STK32B: variants seen among roughly 807,000 people sequenced by gnomAD.
STK32B encodes the protein serine/threonine kinase 32B, also known as serine/threonine-protein kinase 32B.
STK32B carries 43 observed loss-of-function variants against 52.6 expected under a neutral mutation model. That is an observed-to-expected ratio of 0.82 (90% CI 0.64 to 1.05). The LOEUF is 1.05. STK32B is among the 50% of genes least tolerant of loss of function. The pLI is 0.00. For synonymous variants in STK32B, 238 were observed against 204.3 expected, an observed-to-expected ratio of 1.17 and a Z score of -1.41; for missense variants, 621 against 534.6, an observed-to-expected ratio of 1.16 and a Z score of -1.59.
intron 3 of STK32B, among the ~76,000 whole-genome samples, chr4:5,245,088 C>T (rs4533708): frequency 0.08 from 12,244 of 152,138 alleles, 744 homozygotes; most frequent in African/African-American, 0.17. Flanking sequence ...TCTATTAGGT[C>T]CGCTTGGTGC....
At position 5,394,164 on chromosome 4, in the gene STK32B, G is replaced by C. The variant is rs1287533060; in HGVS notation, c.435-4043G>C. 6.6e-6 allele frequency among the ~76,000 whole-genome samples: 1 copy of C among 152,114 alleles called. No individual in the cohort carries two copies. The highest frequency in any genetic ancestry group is 2.4e-5 in the African/African-American group (1 of 41,432). ...TGCTGTTTTTTAAAATATCCCAGCT[G>C]ACATTTTATGCTTTGTTTTATTTGA... On this transcript the variant is annotated intron_variant, in intron 4 of 11. Transcript: ENST00000282908. This position sits in a 1 kb window ranked among gnomAD's most constrained non-coding sequence, Gnocchi z 4.2.
chr4:5,381,518 C>T (rs1007396620), intron 4 of STK32B, among the ~76,000 whole-genome samples: 2 of 152,194 alleles, frequency 1.3e-5, no homozygotes, highest in Non-Finnish European at 2.9e-5. Context: ...CATGCCCGTG[C>T]AGTAGCCAGT....
chr4:5,420,249 A>C (rs996960647), intron 6 of STK32B, among the ~76,000 whole-genome samples: 2 of 152,124 alleles, frequency 1.3e-5, no homozygotes, highest in African/African-American at 4.8e-5. Flanking sequence ...ATACCAGCAG[A>C]TATCCATATA....
At chr4:5,118,357 A>G (rs1198203604) in intron 1 of STK32B, among the ~76,000 whole-genome samples, 5 of 152,190 alleles carry the variant, frequency 3.3e-5, no homozygotes, top group Non-Finnish European at 7.3e-5. Context: ...AAGTGTTCAT[A>G]GTAGTCTCTT....
At position 5,396,488 on chromosome 4, in the gene STK32B, G is replaced by A. The variant is rs577942416; in HGVS notation, c.435-1719G>A. ...CCATTCTGAAGTTCTGGGTGGACAT[G>A]AATTTTGAAGGGACACCATTCAACC... On this transcript the variant is annotated intron_variant, in intron 4 of 11. Transcript: ENST00000282908. This position sits in a 1 kb window ranked among gnomAD's most constrained non-coding sequence, Gnocchi z 4.7. Among the ~76,000 whole-genome samples, 2 of 152,210 alleles carry A rather than the reference G, an allele frequency of 1.3e-5. No individual in the cohort carries two copies. The highest frequency in any genetic ancestry group is 2.9e-5 in the Non-Finnish European group (2 of 68,038).
At chr4:5,155,802 C>A (rs561848953) in intron 2 of STK32B, among the ~76,000 whole-genome samples, 36 of 152,114 alleles carry the variant, frequency 2.4e-4, no homozygotes, top group Admixed American at 3.9e-4. Flanking sequence ...CCTGGCCAAA[C>A]GGAACTGTGA....
chr4:5,022,105 G>A, the STK32B span, among the ~76,000 whole-genome samples: 23 of 152,264 alleles, frequency 1.5e-4, no homozygotes, highest in African/African-American at 3.4e-4. Context: ...GTGTGCATCC[G>A]GGAATTCTAT....
chr4:5,333,388 G>C (rs1732406969), intron 4 of STK32B, among the ~76,000 whole-genome samples: 5 of 152,300 alleles, frequency 3.3e-5, no homozygotes, highest in African/African-American at 1.2e-4. Context: ...CCCTTTGTCA[G>C]ATGAGTAGGT....
chr4:5,466,627 G>A (rs1717456660), intron 9 of STK32B, 76 bp from the exon 10 acceptor site: 7 of 1,512,950 alleles, frequency 4.6e-6, no homozygotes, highest in Non-Finnish European at 6.2e-6. Context: ...TGAATGAATG[G>A]TTGAATTAAT....
intron 3 of STK32B, among the ~76,000 whole-genome samples, chr4:5,283,046 A>C (rs754240870): frequency 8.5e-4 from 130 of 152,148 alleles, no homozygotes; most frequent in Non-Finnish European, 8.4e-4. Flanking sequence ...TTGAAACTTC[A>C]TACCCTTACA....
At chr4:5,496,098 C>T (rs551328560) in intron 11 of STK32B, among the ~76,000 whole-genome samples, 1 of 152,224 alleles carries the variant, frequency 6.6e-6, no homozygotes, top group African/African-American at 2.4e-5. Flanking sequence ...AACCACTGCT[C>T]TCTTCAAAGC....
In STK32B at chr4:5,453,569, G is replaced by A. The variant is rs1716215466; in HGVS notation, c.667-3238G>A. On this transcript the variant is annotated intron_variant, in intron 7 of 11. Transcript: ENST00000282908. This position sits in a 1 kb window ranked among gnomAD's most constrained non-coding sequence, Gnocchi z 4.0. Reference sequence around the variant, plus strand: ...GGGTGGGACTGTTTTGGGCAGAACTGTTTATTGAAAAGCAAAAAAGACAGG... The same window carrying A: ...GGGTGGGACTGTTTTGGGCAGAACTATTTATTGAAAAGCAAAAAAGACAGG... 6.6e-6 allele frequency among the ~76,000 whole-genome samples: 1 copy of A among 151,988 alleles called. No homozygotes were observed. Among genetic ancestry groups the A allele is most frequent in the African/African-American group, 2.4e-5 (1 of 41,386 alleles).
intron 1 of STK32B, among the ~76,000 whole-genome samples, chr4:5,099,793 A>G (rs2108791892): frequency 6.6e-6 from 1 of 152,206 alleles, no homozygotes; most frequent in African/African-American, 2.4e-5. Context: ...CAGGCACAGG[A>G]ATGAGAGTTG....
intron 1 of STK32B, among the ~76,000 whole-genome samples, chr4:5,069,017 CCTTT>C (rs1711594521): frequency 6.6e-6 from 1 of 151,998 alleles, no homozygotes; most frequent in Non-Finnish European, 1.5e-5. Context: ...CTTTTGTAGA[CCTTT>C]AGTTTGCAAC....
intron 3 of STK32B, among the ~76,000 whole-genome samples, chr4:5,290,921 A>G (rs1178584624): frequency 6.6e-6 from 1 of 152,120 alleles, no homozygotes; most frequent in African/African-American, 2.4e-5. Flanking sequence ...AAGGCAAGAG[A>G]TACATAATAA....
intron 1 of STK32B, among the ~76,000 whole-genome samples, chr4:5,120,680 G>A (rs554901861): frequency 6.6e-6 from 1 of 152,196 alleles, no homozygotes; most frequent in South Asian, 2.1e-4. Flanking sequence ...GATATGTGTA[G>A]TCATGAGAAT....
chr4:5,467,988 C>T lies in STK32B; in HGVS notation c.1042-18C>T, dbSNP rs376616887. The T allele has an allele frequency of 3.7e-6, 6 of 1,613,954 alleles. No homozygotes were observed. The African/African-American group carries it at 4.0e-5, about 11-fold the overall frequency. ...ACCGTGCTTTGTCATTTAGTCACCC[C>T]TCTGTGCTCTTTGACAGAATGGACA... On this transcript the variant is annotated intron_variant, in intron 10 of 11. Coordinates refer to ENST00000282908, the MANE Select transcript of STK32B (RefSeq NM_018401.3). The surrounding 1 kb of genome is among the most constrained non-coding windows in gnomAD (Gnocchi z 5.8).
At chr4:5,482,665 A>G (rs1718815959) in intron 11 of STK32B, among the ~76,000 whole-genome samples, 1 of 152,154 alleles carries the variant, frequency 6.6e-6, no homozygotes, top group Non-Finnish European at 1.5e-5. Context: ...ATCTTTTGCC[A>G]GTTTTCAAAG....
At chr4:5,486,912 A>G (rs1023301922) in intron 11 of STK32B, among the ~76,000 whole-genome samples, 8 of 152,234 alleles carry the variant, frequency 5.3e-5, no homozygotes, top group Non-Finnish European at 8.8e-5. Context: ...GGCACCAGTA[A>G]GATGTTGAGC....
Sources: allele counts gnomAD v4.1 joint callset (sites outside exome capture counted in the v4.1 genomes callset), GRCh38; gene constraint gnomAD v4.1.1; non-coding constraint Gnocchi (gnomAD v3.1); transcripts MANE v1.5; gene names NCBI Gene and HGNC (gene_info 2026-07-23, HGNC 2026-07-21).